DLGAP2: variants seen among roughly 807,000 people sequenced by gnomAD.
The protein encoded by DLGAP2 is DLG associated protein 2, also known as disks large-associated protein 2.
In DLGAP2, 26 loss-of-function variants were observed where a neutral mutation model predicts 100.3. The observed-to-expected ratio is 0.26, with a 90% CI of 0.19 to 0.36. DLGAP2 has a LOEUF of 0.36. DLGAP2 is among the 10% of genes least tolerant of loss of function. The pLI is 1.00. For missense variants in DLGAP2, 1,858 were observed against 1,453.2 expected (o/e 1.28, Z -4.53); for synonymous variants, 886 against 630.1 (o/e 1.41, Z -6.08).
intron 2 of DLGAP2, among the ~76,000 whole-genome samples, chr8:1,007,465 G>T (rs1801152146): frequency 6.6e-6 from 1 of 152,236 alleles, no homozygotes. Flanking sequence ...GCAAGAGCAA[G>T]TCAGCTGACT....
At chr8:1,512,438 C>CCCA (rs2130376588) in intron 4 of DLGAP2, among the ~76,000 whole-genome samples, 1 of 152,226 alleles carries the variant, frequency 6.6e-6, no homozygotes, top group East Asian at 1.9e-4. Flanking sequence ...TGGGTGTCAG[C>CCCA]CGTGGGTGTG....
At chr8:863,695 G>A (rs568109590) in intron 1 of DLGAP2, among the ~76,000 whole-genome samples, 2 of 152,190 alleles carry the variant, frequency 1.3e-5, no homozygotes, top group South Asian at 2.1e-4. Context: ...GCCCCTGTTC[G>A]ACTGGCTTTC....
chr8:1,482,463 C>T (rs932198372), intron 3 of DLGAP2, among the ~76,000 whole-genome samples: 4 of 152,242 alleles, frequency 2.6e-5, no homozygotes, highest in Non-Finnish European at 4.4e-5. Flanking sequence ...AAAATAATCA[C>T]AGAATGTATG....
intron 3 of DLGAP2, among the ~76,000 whole-genome samples, chr8:1,416,137 A>G (rs1252691120): frequency 1.3e-5 from 2 of 152,172 alleles, no homozygotes; most frequent in African/African-American, 4.8e-5. Flanking sequence ...AGACTTTTCA[A>G]AGTATTTTCA....
At chr8:1,506,597 C>G (rs73540653) in intron 4 of DLGAP2, among the ~76,000 whole-genome samples, 11,772 of 152,174 alleles carry the variant, frequency 0.077, 1,233 homozygotes, top group African/African-American at 0.24. Context: ...CTGCCCAAGA[C>G]GATCTCAGCA....
At chr8:946,551 C>T (rs1310282929) in intron 2 of DLGAP2, among the ~76,000 whole-genome samples, 2 of 152,198 alleles carry the variant, frequency 1.3e-5, no homozygotes, top group Non-Finnish European at 2.9e-5. Context: ...GCGTGAGCCA[C>T]CGCGCCCGGC....
intron 4 of DLGAP2, among the ~76,000 whole-genome samples, chr8:1,535,851 G>A (rs1361520981): frequency 6.6e-6 from 1 of 152,134 alleles, no homozygotes. Context: ...CGGCTCTCAG[G>A]TCCCAAGCCT....
chr8:990,017 T>G (rs1279103397), intron 2 of DLGAP2, among the ~76,000 whole-genome samples: 1 of 152,086 alleles, frequency 6.6e-6, no homozygotes, highest in Non-Finnish European at 1.5e-5. Context: ...CCAGCCAACC[T>G]CCTGGACCAC....
intron 3 of DLGAP2, among the ~76,000 whole-genome samples, chr8:1,457,517 A>C (rs571306478): frequency 6.6e-6 from 1 of 152,342 alleles, no homozygotes; most frequent in Non-Finnish European, 1.5e-5. Context: ...TTTGAATACT[A>C]ATAGGACAAG....
intron 1 of DLGAP2, among the ~76,000 whole-genome samples, chr8:892,301 T>G (rs1356943259): frequency 6.6e-6 from 1 of 152,138 alleles, no homozygotes; most frequent in Non-Finnish European, 1.5e-5. Context: ...GCAGCTAGCG[T>G]GTCCGTCCAT....
chr8:1,325,171 C>T (rs1800991765), intron 3 of DLGAP2, among the ~76,000 whole-genome samples: 1 of 152,204 alleles, frequency 6.6e-6, no homozygotes, highest in East Asian at 1.9e-4. Context: ...TCCCCCAGAG[C>T]TGGTGTAGCG....
At chr8:1,464,469 C>A (rs1181782308) in intron 3 of DLGAP2, among the ~76,000 whole-genome samples, 1 of 95,400 alleles carries the variant, frequency 1.0e-5, no homozygotes, top group Non-Finnish European at 2.1e-5. Context: ...AGTCACCATC[C>A]CCAAAGCCAC....
Position 1,156,224 on chromosome 8 carries a change from A to G in DLGAP2, c.74-102627A>G, listed in dbSNP as rs536472798. On this transcript the variant is annotated intron_variant, in intron 2 of 14. Coordinates refer to ENST00000637795, the MANE Select transcript of DLGAP2 (RefSeq NM_001346810.2). ...TCTGCCGCCGGGAGCGGCCGCTTCA[A>G]TGAACCTGAAACCCAGGACCCGGGT... is the stretch of plus-strand genomic sequence containing the variant. 2.0e-5 allele frequency among the ~76,000 whole-genome samples: 3 copies of G among 152,246 alleles called. No individual in the cohort carries two copies. The South Asian group carries it at 6.2e-4, about 32-fold the overall frequency.
chr8:826,929 A>G (rs1289480005), intron 1 of DLGAP2, among the ~76,000 whole-genome samples: 2 of 152,154 alleles, frequency 1.3e-5, no homozygotes, highest in Admixed American at 6.5e-5. Flanking sequence ...CAGTCTTTCC[A>G]TTCTCTCTCA....
At chr8:1,123,155 T>C (rs971718554) in intron 2 of DLGAP2, among the ~76,000 whole-genome samples, 2 of 152,242 alleles carry the variant, frequency 1.3e-5, no homozygotes, top group African/African-American at 4.8e-5. Flanking sequence ...TGATCGCCTT[T>C]GACAATTTTG....
intron 3 of DLGAP2, among the ~76,000 whole-genome samples, chr8:1,383,221 GA>G (rs1304606662): frequency 2.6e-5 from 4 of 151,936 alleles, no homozygotes; most frequent in African/African-American, 9.7e-5. Flanking sequence ...TTTTTATTTT[GA>G]AAAAAATAAT....
chr8:1,210,476 G>A (rs984197868), intron 2 of DLGAP2, among the ~76,000 whole-genome samples: 2 of 152,158 alleles, frequency 1.3e-5, no homozygotes, highest in African/African-American at 2.4e-5. Flanking sequence ...GGAAGGAGAG[G>A]GGCTCAAGCC....
chr8:1,362,653 A>T (rs1802013303), intron 3 of DLGAP2, among the ~76,000 whole-genome samples: 1 of 152,138 alleles, frequency 6.6e-6, no homozygotes, highest in Admixed American at 6.5e-5. Context: ...CTCTGAAAGC[A>T]TTTTACAGTG....
At chr8:1,286,490 T>C (rs777112957) in intron 3 of DLGAP2, among the ~76,000 whole-genome samples, 3 of 152,150 alleles carry the variant, frequency 2.0e-5, no homozygotes, top group Non-Finnish European at 2.9e-5. Context: ...GTAGACTGTT[T>C]TCTTGTTTGT....
Sources: gnomAD v4.1 joint callset for allele counts (sites outside exome capture counted in the v4.1 genomes callset) on GRCh38, gnomAD v4.1.1 for gene constraint, MANE v1.5 for transcripts, NCBI Gene and HGNC (gene_info 2026-07-23, HGNC 2026-07-21) for gene names.